GRID2: variants seen among roughly 807,000 people sequenced by gnomAD.
GRID2 encodes glutamate ionotropic receptor delta type subunit 2.
GRID2 carries 33 observed loss-of-function variants against 114.8 expected under a neutral mutation model. That is an observed-to-expected ratio of 0.29 (90% CI 0.22 to 0.38). The LOEUF is 0.38. Ranked by LOEUF, GRID2 falls within the 10% of genes least tolerant of loss-of-function variation. The probability of loss-of-function intolerance (pLI) is 1.00; values close to 1 mark genes in which losing one functional copy is unlikely to be tolerated. For synonymous variants in GRID2, 505 were observed against 449.9 expected, an observed-to-expected ratio of 1.12 and a Z score of -1.55; for missense variants, 1,184 against 1,257.7, an observed-to-expected ratio of 0.94 and a Z score of 0.89.
At chr4:92,862,013 C>T (rs1744566627) in intron 2 of GRID2, among the ~76,000 whole-genome samples, 1 of 151,962 alleles carries the variant, frequency 6.6e-6, no homozygotes, top group Non-Finnish European at 1.5e-5. Flanking sequence ...CAAGTATCTC[C>T]ACGGTTTTAC....
chr4:93,208,657 T>C lies in GRID2; in HGVS notation c.789+1200T>C, dbSNP rs1743094041. ...TTGTTTCTCCTACACTACACTTCAA[T>C]GATGGAATGATCCTTTTTATTTCAG... is the stretch of plus-strand genomic sequence containing the variant. On this transcript the variant is annotated intron_variant, in intron 5 of 15. Coordinates refer to ENST00000282020, the MANE Select transcript of GRID2 (RefSeq NM_001510.4). Among the ~76,000 whole-genome samples, 2 of 152,038 alleles carry C rather than the reference T, an allele frequency of 1.3e-5. 1 individual carries two copies. Among genetic ancestry groups the C allele is most frequent in the South Asian group, 4.1e-4 (2 of 4,832 alleles).
intron 2 of GRID2, among the ~76,000 whole-genome samples, chr4:92,628,149 G>A (rs1730612893): frequency 6.6e-6 from 1 of 151,954 alleles, no homozygotes; most frequent in Non-Finnish European, 1.5e-5. Flanking sequence ...TTTAACAATT[G>A]CTTACCACAT....
chr4:92,675,388 C>A (rs1195317696), intron 2 of GRID2, among the ~76,000 whole-genome samples: 1 of 152,104 alleles, frequency 6.6e-6, no homozygotes, highest in Non-Finnish European at 1.5e-5. Flanking sequence ...CCAAAAATTT[C>A]TCTTCAGAAT....
At chr4:93,295,087 A>C (rs1318101214) in intron 8 of GRID2, among the ~76,000 whole-genome samples, 2 of 152,158 alleles carry the variant, frequency 1.3e-5, no homozygotes, top group African/African-American at 2.4e-5. Flanking sequence ...AAAGATATTA[A>C]ATCTTATGTT....
chr4:93,628,590 G>C (rs1742944411), intron 14 of GRID2, among the ~76,000 whole-genome samples: 1 of 152,098 alleles, frequency 6.6e-6, no homozygotes, highest in Non-Finnish European at 1.5e-5. Flanking sequence ...GGATGGAAAA[G>C]CATAATAGAA....
intron 8 of GRID2, among the ~76,000 whole-genome samples, chr4:93,284,000 G>T (rs1189793357): frequency 6.6e-6 from 1 of 151,966 alleles, no homozygotes; most frequent in African/African-American, 2.4e-5. Flanking sequence ...TTATAGTTAG[G>T]TTTCACTGTT....
At chr4:93,373,829 G>T (rs1763140684) in intron 8 of GRID2, among the ~76,000 whole-genome samples, 1 of 152,186 alleles carries the variant, frequency 6.6e-6, no homozygotes. Context: ...GTTCCAATGA[G>T]AAATGCCAGC....
chr4:93,285,304 A>G (rs1753036348), intron 8 of GRID2, among the ~76,000 whole-genome samples: 1 of 152,048 alleles, frequency 6.6e-6, no homozygotes, highest in Non-Finnish European at 1.5e-5. Flanking sequence ...GAAACCCTAT[A>G]TGCCCTGATA....
At chr4:93,012,081 GA>G (rs34374242) in intron 2 of GRID2, among the ~76,000 whole-genome samples, 2,478 of 125,406 alleles carry the variant, frequency 0.02, 26 homozygotes, top group African/African-American at 0.039. Flanking sequence ...TTATCAGGCT[GA>G]AAAAAAAAAA....
rs758948255 is a variant in GRID2 at position 93,238,351 on chromosome 4, G to A, written c.1126-20G>A. On this transcript the variant is annotated intron_variant, in intron 7 of 15. Transcript: ENST00000282020. ...TTTTTACTTCTCAAATTTTACATCA[G>A]TATCTGTTCTCTCCTTTAGGGTGGA... 14 of 1,570,636 alleles carry A rather than the reference G, an allele frequency of 8.9e-6. No homozygotes were observed. The highest frequency in any genetic ancestry group is 2.3e-5 in the East Asian group (1 of 44,186).
At chr4:93,266,826 C>A (rs1391369771) in intron 8 of GRID2, among the ~76,000 whole-genome samples, 4 of 152,080 alleles carry the variant, frequency 2.6e-5, no homozygotes, top group Admixed American at 6.6e-5. Flanking sequence ...TTGGAGATAA[C>A]CAGACTGGTA....
intron 2 of GRID2, among the ~76,000 whole-genome samples, chr4:92,593,309 T>C (rs754026002): frequency 6.6e-6 from 1 of 152,018 alleles, no homozygotes; most frequent in African/African-American, 2.4e-5. Context: ...TATTTTATTG[T>C]TAGAATTTCC....
At chr4:93,229,966 G>A (rs1288664786) in intron 7 of GRID2, among the ~76,000 whole-genome samples, 1 of 151,982 alleles carries the variant, frequency 6.6e-6, no homozygotes, top group Non-Finnish European at 1.5e-5. Context: ...TGTTATTTAC[G>A]TGGATGTTGT....
chr4:93,066,853 A>G (rs183978265), intron 2 of GRID2, among the ~76,000 whole-genome samples: 53 of 152,078 alleles, frequency 3.5e-4, no homozygotes, highest in African/African-American at 1.3e-3. Context: ...CTTGAATACA[A>G]GCTCTACTTA....
At chr4:93,119,218 C>G (rs1159133749) in intron 4 of GRID2, among the ~76,000 whole-genome samples, 1 of 151,966 alleles carries the variant, frequency 6.6e-6, no homozygotes, top group Non-Finnish European at 1.5e-5. Flanking sequence ...GTATATAAAC[C>G]TGCTGTGATA....
At chr4:92,361,612 G>A (rs1728622393) in intron 1 of GRID2, among the ~76,000 whole-genome samples, 1 of 151,950 alleles carries the variant, frequency 6.6e-6, no homozygotes, top group Admixed American at 6.6e-5. Flanking sequence ...ACTCTACCTG[G>A]ACAATCTCAG....
At chr4:92,409,872 T>C (rs963705316) in intron 1 of GRID2, among the ~76,000 whole-genome samples, 1 of 152,160 alleles carries the variant, frequency 6.6e-6, no homozygotes, top group African/African-American at 2.4e-5. Flanking sequence ...GGTCTTTTTC[T>C]TGTGGAACCT....
rs573880181 is a variant in GRID2, at chr4:92,916,777, T to G, written c.245-168218T>G. On this transcript the variant is annotated intron_variant, in intron 2 of 15. Coordinates refer to ENST00000282020, the MANE Select transcript of GRID2 (RefSeq NM_001510.4). ...GTCTATCATTGTTGGACATTTGGGTTGGTTCCAAGTTTTGCTGTTGTGAAT... is the reference window on the plus strand; with the variant it reads ...GTCTATCATTGTTGGACATTTGGGTGGGTTCCAAGTTTTGCTGTTGTGAAT... Among the ~76,000 whole-genome samples, 66 of 152,304 alleles carry G rather than the reference T, an allele frequency of 4.3e-4. 1 individual carries two copies. The highest frequency in any genetic ancestry group is 7.5e-4 in the Non-Finnish European group (51 of 68,032).
intron 14 of GRID2, among the ~76,000 whole-genome samples, chr4:93,723,477 T>C (rs1399868591): frequency 6.6e-6 from 1 of 152,220 alleles, no homozygotes; most frequent in African/African-American, 2.4e-5. Flanking sequence ...TCAGAATTGA[T>C]GTTAGCTACA....
Sources: allele counts gnomAD v4.1 joint callset (sites outside exome capture counted in the v4.1 genomes callset), GRCh38; gene constraint gnomAD v4.1.1; transcripts MANE v1.5; gene names NCBI Gene and HGNC (gene_info 2026-07-23, HGNC 2026-07-21).